FSIP2: variants seen among roughly 807,000 people sequenced by gnomAD.
FSIP2 encodes the protein fibrous sheath-interacting protein 2.
In FSIP2, 367 loss-of-function variants were observed where a neutral mutation model predicts 510.5. That is an observed-to-expected ratio of 0.72 (90% confidence interval 0.66 to 0.78). The LOEUF is 0.78. Ranked by LOEUF, FSIP2 falls within the 30% of genes least tolerant of loss-of-function variation. The pLI is 0.00. For synonymous variants in FSIP2, 2,601 were observed against 2,732.2 expected, an observed-to-expected ratio of 0.95 and a Z score of 1.50; for missense variants, 7,594 against 7,901.7, an observed-to-expected ratio of 0.96 and a Z score of 1.48.
At position 185,807,062 on chromosome 2, in the gene FSIP2, C is replaced by T. The variant is rs2105653229; in HGVS notation, c.17756C>T (p.Ser5919Phe). The T allele has an allele frequency of 6.3e-7, 1 of 1,591,372 alleles. No individual in the cohort carries two copies. The highest frequency in any genetic ancestry group is 8.5e-7 in the Non-Finnish European group (1 of 1,172,226). The change falls in exon 17 of 23, where the codon TCC becomes TTC. Residue 5919 changes from serine (S) to phenylalanine (F), a missense_variant. By Grantham distance (155) the Ser-to-Phe change is radical. Coordinates refer to ENST00000424728, the MANE Select transcript of FSIP2 (RefSeq NM_173651.4). ...ACATTGGTCAATAAAGTTGTTCACTCCTCTGTTTGTAATATTTTAAATGAC... is the reference window on the plus strand; with the variant it reads ...ACATTGGTCAATAAAGTTGTTCACTTCTCTGTTTGTAATATTTTAAATGAC... ...DKTLVNKVVH[S>F]SVCNILNDYG...
chr2:185,738,980 A>G lies in FSIP2; in HGVS notation c.86A>G (p.Gln29Arg), dbSNP rs1010912143. Residue 29 changes from glutamine to arginine, a missense_variant, in exon 1 of 23, where the codon CAG becomes CGG. Physicochemically the swap from Gln to Arg is conservative, Grantham distance 43. Transcript: ENST00000424728. ...TVASVLAADTQQCRDGVHKTH... is the reference protein window; with the variant it reads ...TVASVLAADTRQCRDGVHKTH... ...GCCAGCGTCCTGGCCGCGGACACCCAGCAGTGCAGAGACGTGAGTGGCCGC... is the reference window on the plus strand; with the variant it reads ...GCCAGCGTCCTGGCCGCGGACACCCGGCAGTGCAGAGACGTGAGTGGCCGC... 56 of 1,533,254 alleles carry G rather than the reference A, an allele frequency of 3.7e-5. No homozygotes were observed. The highest frequency in any genetic ancestry group is 4.9e-5 in the Non-Finnish European group (56 of 1,146,510). 95.0% of individuals were successfully genotyped at this position (1,533,254 alleles called of 1,614,324 possible).
Position 185,792,975 on chromosome 2 carries a change from A to G in FSIP2, c.5839A>G (p.Thr1947Ala). ...TCTCTTTTATTCTCAAGTCAACTTT[A>G]CAGTTCCAGTGGCTTTACCTATTCA... ...KSLFYSQVNFTVPVALPIQQD... is the reference protein window; with the variant it reads ...KSLFYSQVNFAVPVALPIQQD... The change falls in exon 16 of 23, where the codon ACA becomes GCA. Residue 1947 changes from threonine (T) to alanine (A), a missense_variant. Transcript: ENST00000424728. The G allele has an allele frequency of 6.5e-7, 1 of 1,534,418 alleles. No individual in the cohort carries two copies. The highest frequency in any genetic ancestry group is 8.7e-7 in the Non-Finnish European group (1 of 1,145,702).
At chr2:185,774,171 C>A (rs1253452626) in intron 13 of FSIP2, among the ~76,000 whole-genome samples, 2 of 152,012 alleles carry the variant, frequency 1.3e-5, no homozygotes, top group Non-Finnish European at 2.9e-5. Context: ...TGTCATTTGC[C>A]TGGGTATCAC....
intron 8 of FSIP2, 134 bp downstream of exon 8, chr2:185,753,976 A>C: frequency 2.0e-6 from 1 of 510,666 alleles, no homozygotes; most frequent in Non-Finnish European, 3.1e-6. Flanking sequence ...GCATTTCTGT[A>C]GTATAGTTCA....
At chr2:185,766,760 C>T (rs113869365) in intron 13 of FSIP2, among the ~76,000 whole-genome samples, 68,957 of 142,448 alleles carry the variant, frequency 0.48, 17,120 homozygotes, top group South Asian at 0.61. Flanking sequence ...GTCAGTGTGA[C>T]GATTCCTCAG....
rs1348913988 is a variant in FSIP2 at position 185,802,660 on chromosome 2, G to C, written c.13354G>C (p.Glu4452Gln). Residue 4452 changes from glutamate (E) to glutamine (Q), a missense_variant, in exon 17 of 23, where the codon GAG becomes CAG. Coordinates refer to ENST00000424728, the MANE Select transcript of FSIP2 (RefSeq NM_173651.4). ...CCTTAGTAACATCAGTAAATCTACT[G>C]AGCCAAGCCAGAGTGTACCTCTATA... is the stretch of plus-strand genomic sequence containing the variant. Reference protein sequence around the residue: ...DILSNISKSTEPSQSVPLYNT... With the variant: ...DILSNISKSTQPSQSVPLYNT... 6.5e-7 allele frequency: 1 copy of C among 1,533,676 alleles called. No homozygotes were observed. The highest frequency in any genetic ancestry group is 8.7e-7 in the Non-Finnish European group (1 of 1,145,364).
chr2:185,781,309 G>A (rs1319547572), intron 13 of FSIP2, among the ~76,000 whole-genome samples: 1 of 152,122 alleles, frequency 6.6e-6, no homozygotes, highest in Admixed American at 6.5e-5. Context: ...CTTTGTGTTA[G>A]CTGATTTTGC....
At chr2:185,746,866 T>C (rs553413386) in intron 6 of FSIP2, 56 bp downstream of exon 6, 2 of 1,244,134 alleles carry the variant, frequency 1.6e-6, no homozygotes, top group Admixed American at 2.8e-5. Context: ...GTTGTTGCAT[T>C]TGTAAATAAT....
At position 185,796,875 on chromosome 2, in the gene FSIP2, A is replaced by G. The variant is rs142306380; in HGVS notation, c.9739A>G (p.Arg3247Gly). The change falls in exon 16 of 23, where the codon AGG (arginine) becomes GGG (glycine). Residue 3247 changes from arginine (R) to glycine (G), a missense_variant. Arg to Gly is a moderately radical substitution (Grantham distance 125). Transcript: ENST00000424728. ...AAACAAAGTACAAGACCACAGACCA[A>G]GGGAATCTAACTTTGGTAGTTTTGA... ...TRNKVQDHRP[R>G]ESNFGSFDQT... 5,290 of 1,535,102 alleles carry G rather than the reference A, an allele frequency of 3.4e-3. 13 individuals carry two copies. The highest frequency in any genetic ancestry group is 4.2e-3 in the Non-Finnish European group (4,776 of 1,146,260).
chr2:185,739,031 G>A (rs1398711780), intron 1 of FSIP2, 38 bp downstream of exon 1: 3 of 1,517,860 alleles, frequency 2.0e-6, no homozygotes, highest in Non-Finnish European at 2.6e-6. Flanking sequence ...GCCCTCTGGC[G>A]GCCGCAGGCC....
intron 5 of FSIP2, 47 bp downstream of exon 5, chr2:185,745,615 A>C (rs1348823439): frequency 1.4e-6 from 2 of 1,452,464 alleles, no homozygotes; most frequent in African/African-American, 1.4e-5. Context: ...TGTGGACCCA[A>C]ATAAGCTGGA....
Position 185,791,065 on chromosome 2 carries a change from T to A in FSIP2, c.3929T>A (p.Leu1310Gln), listed in dbSNP as rs1258595465. Reference protein sequence around the residue: ...NIVLCAIQNELELHKENLNLR... With the variant: ...NIVLCAIQNEQELHKENLNLR... ...GTTTTATGTGCTATCCAGAATGAAC[T>A]GGAACTTCACAAGGAAAACCTAAAT... Residue 1310 changes from leucine (L) to glutamine (Q), a missense_variant, in exon 16 of 23, where the codon CTG (leucine) becomes CAG (glutamine). By Grantham distance (113) the Leu-to-Gln change is moderately radical (BLOSUM62 -2). Coordinates refer to ENST00000424728, the MANE Select transcript of FSIP2 (RefSeq NM_173651.4). 1 of 1,532,044 alleles carries A rather than the reference T, an allele frequency of 6.5e-7. No individual in the cohort carries two copies. The highest frequency in any genetic ancestry group is 8.7e-7 in the Non-Finnish European group (1 of 1,144,802). 94.9% of individuals were successfully genotyped at this position (1,532,044 alleles called of 1,614,324 possible). A position where few individuals can be genotyped will look rare whatever the true frequency, so the allele number is the denominator to read the frequency against.
rs928826460 is a variant in FSIP2 at position 185,752,831 on chromosome 2, C to A, written c.871-891C>A. Reference sequence around the variant, plus strand: ...TTTTATAAGTCATATTCCCCTGCTTCTTTACATGCCTAGTATTCTTTGATT... The same window carrying A: ...TTTTATAAGTCATATTCCCCTGCTTATTTACATGCCTAGTATTCTTTGATT... On this transcript the variant is annotated intron_variant, in intron 7 of 22. Coordinates refer to ENST00000424728, the MANE Select transcript of FSIP2 (RefSeq NM_173651.4). 3.3e-5 allele frequency among the ~76,000 whole-genome samples: 5 copies of A among 151,520 alleles called. No homozygotes were observed. In the East Asian group the frequency reaches 9.7e-4, roughly 29 times the overall value.
chr2:185,807,497 A>T lies in FSIP2; in HGVS notation c.18191A>T (p.Tyr6064Phe). 1 of 1,612,118 alleles carries T rather than the reference A, an allele frequency of 6.2e-7. No individual in the cohort carries two copies. The highest frequency in any genetic ancestry group is 1.1e-5 in the South Asian group (1 of 90,888). ...GCAACAGAGATCTCCCAAGATAAAT[A>T]TATGACTATACAGTATGTAGAAACC... ...AVATEISQDKYMTIQYVETLQ... is the reference protein window; with the variant it reads ...AVATEISQDKFMTIQYVETLQ... Residue 6064 changes from tyrosine to phenylalanine, a missense_variant, in exon 17 of 23, where the codon TAT (tyrosine) becomes TTT (phenylalanine). Coordinates refer to ENST00000424728, the MANE Select transcript of FSIP2 (RefSeq NM_173651.4).
Position 185,833,117 on chromosome 2 carries a change from A to G in FSIP2, c.20615A>G (p.Gln6872Arg), listed in dbSNP as rs1238852314. The G allele has an allele frequency of 6.8e-6, 11 of 1,610,740 alleles. No individual in the cohort carries two copies. Among genetic ancestry groups the G allele is most frequent in the Non-Finnish European group, 9.3e-6 (11 of 1,178,080 alleles). The change falls in exon 23 of 23, where the codon CAA (glutamine) becomes CGA (arginine). Residue 6872 changes from glutamine to arginine, a missense_variant. Gln to Arg is a conservative substitution (Grantham distance 43). Transcript: ENST00000424728. ...ACTCCCAAGCCCGATGTCTCCAAACAAGGATCTAAAATGCTGACAAAAATG... is the reference window on the plus strand; with the variant it reads ...ACTCCCAAGCCCGATGTCTCCAAACGAGGATCTAAAATGCTGACAAAAATG... ...SETPKPDVSK[Q>R]GSKMLTKMSS...
chr2:185,792,348 AT>A lies in FSIP2; in HGVS notation c.5214del (p.Ile1738MetfsTer11). The A allele has an allele frequency of 6.5e-7, 1 of 1,529,236 alleles. No individual in the cohort carries two copies. The highest frequency in any genetic ancestry group is 1.2e-5 in the South Asian group (1 of 82,686). 94.7% of individuals were successfully genotyped at this position (1,529,236 alleles called of 1,614,324 possible). A position where few individuals can be genotyped will look rare whatever the true frequency, so the allele number is the denominator to read the frequency against. ...TGATGCATATACAGCGAAAAAAATT[AT>A]TGATGAGAGATCCCCACAAAGAGAA... ...EDDAYTAKKI[I>X]DERSPQREEV... On this transcript the variant is annotated frameshift_variant, in exon 16 of 23. Transcript: ENST00000424728. LOFTEE classifies it high-confidence loss of function.
chr2:185,737,575 CAT>C (rs1691809840), upstream of FSIP2, among the ~76,000 whole-genome samples: 1 of 152,068 alleles, frequency 6.6e-6, no homozygotes, highest in Non-Finnish European at 1.5e-5. Context: ...ACCAACTAAA[CAT>C]GGGAGATAAG....
Position 185,739,336 on chromosome 2 carries a change from T to C in FSIP2, c.100-10T>C. Reference sequence around the variant, plus strand: ...AAGGAAAGACAAAACTCTCCAATTGTGTCTGACAGGGCGTGCACAAAACCC... The same window carrying C: ...AAGGAAAGACAAAACTCTCCAATTGCGTCTGACAGGGCGTGCACAAAACCC... On this transcript the variant is annotated splice_polypyrimidine_tract_variant and intron_variant, in intron 1 of 22. Transcript: ENST00000424728. The C allele has an allele frequency of 6.6e-7, 1 of 1,519,794 alleles. No homozygotes were observed. The highest frequency in any genetic ancestry group is 8.8e-7 in the Non-Finnish European group (1 of 1,141,182). 94.1% of individuals were successfully genotyped at this position (1,519,794 alleles called of 1,614,324 possible).
rs1693079048 is a variant in FSIP2, at chr2:185,789,901, A to G, written c.2765A>G (p.Asn922Ser). 1.3e-6 allele frequency: 2 copies of G among 1,533,176 alleles called. No individual in the cohort carries two copies. Among genetic ancestry groups the G allele is most frequent in the African/African-American group, 1.4e-5 (1 of 72,898 alleles). The allele number at this position is 1,533,176 out of a possible 1,614,324, so 95.0% of individuals were successfully genotyped here. ...ILGYIQTELN[N>S]ERIIASEETV... ...GGTTATATACAAACTGAACTAAATA[A>G]TGAGAGAATTATTGCATCTGAAGAA... The change falls in exon 16 of 23, where the codon AAT becomes AGT. Residue 922 changes from asparagine (N) to serine (S), a missense_variant. Asn to Ser is a conservative substitution (Grantham distance 46, BLOSUM62 1). Transcript: ENST00000424728.
Sources: allele counts gnomAD v4.1 joint callset (sites outside exome capture counted in the v4.1 genomes callset), GRCh38; gene constraint gnomAD v4.1.1; transcripts MANE v1.5; gene names NCBI Gene and HGNC (gene_info 2026-07-23, HGNC 2026-07-21).